ADAMTS9: variants seen among roughly 807,000 people sequenced by gnomAD.
The protein encoded by ADAMTS9 is ADAM metallopeptidase with thrombospondin type 1 motif 9.
A neutral mutation model predicts 257.1 loss-of-function variants in ADAMTS9; 107 were observed. The ratio of observed to expected loss-of-function variants is 0.42; its 90% confidence interval spans 0.36 to 0.49. The LOEUF (loss-of-function observed/expected upper bound fraction) is 0.49, where lower values mean the gene tolerates loss of function less well. Among genes scored for constraint, ADAMTS9 ranks in the 20% least tolerant of loss-of-function variants. ADAMTS9 has a pLI of 0.03. For synonymous variants in ADAMTS9, 982 were observed against 880.9 expected, an observed-to-expected ratio of 1.11 and a Z score of -2.03; for missense variants, 2,353 against 2,469.1, an observed-to-expected ratio of 0.95 and a Z score of 1.00.
chr3:64,579,409 C>A (rs1353877952), intron 28 of ADAMTS9, among the ~76,000 whole-genome samples: 1 of 152,060 alleles, frequency 6.6e-6, no homozygotes, highest in East Asian at 1.9e-4. Flanking sequence ...TAATTCTCAC[C>A]TACTCTTCTA....
chr3:64,650,908 A>G (rs1700915858), intron 9 of ADAMTS9, 109 bp downstream of exon 9: 2 of 1,277,412 alleles, frequency 1.6e-6, no homozygotes, highest in South Asian at 3.1e-5. Context: ...AATGTCAACA[A>G]AAATAACTCA....
intron 12 of ADAMTS9, among the ~76,000 whole-genome samples, chr3:64,638,988 C>A (rs1320355726): frequency 6.6e-6 from 1 of 152,140 alleles, no homozygotes; most frequent in Non-Finnish European, 1.5e-5. Context: ...GGCATATTCC[C>A]AGTGAGGGGG....
chr3:64,598,040 G>C (rs1184369009), intron 26 of ADAMTS9, among the ~76,000 whole-genome samples: 1 of 152,114 alleles, frequency 6.6e-6, no homozygotes, highest in Non-Finnish European at 1.5e-5. Context: ...CTTCTTGCTG[G>C]TCATCTTCTT....
chr3:64,685,142 G>A (rs1045097958), intron 2 of ADAMTS9: 1 of 152,196 alleles, frequency 6.6e-6, no homozygotes, highest in Non-Finnish European at 1.5e-5. Flanking sequence ...CCACGGCTCC[G>A]GGCGCTTTGC....
chr3:64,655,745 T>G, intron 5 of ADAMTS9, 47 bp downstream of exon 5: 3 of 1,581,144 alleles, frequency 1.9e-6, no homozygotes, highest in Non-Finnish European at 1.7e-6. Context: ...CAATTAGATA[T>G]GCCATTTCGG....
intron 21 of ADAMTS9, among the ~76,000 whole-genome samples, chr3:64,614,503 G>A (rs1427571713): frequency 2.6e-5 from 4 of 152,178 alleles, no homozygotes; most frequent in African/African-American, 4.8e-5. Context: ...ATGGATGTAG[G>A]AGCTGTAGCA....
intron 28 of ADAMTS9, among the ~76,000 whole-genome samples, chr3:64,593,317 G>C (rs1323167371): frequency 6.6e-6 from 1 of 152,124 alleles, no homozygotes; most frequent in East Asian, 1.9e-4. Flanking sequence ...TCTTTAGCTG[G>C]TTTCAGGGAT....
chr3:64,584,434 G>A (rs1036653754), intron 28 of ADAMTS9, among the ~76,000 whole-genome samples: 2 of 151,974 alleles, frequency 1.3e-5, no homozygotes, highest in African/African-American at 4.8e-5. Context: ...AAAAAAGTAG[G>A]AAAGATTCTG....
chr3:64,584,731 C>T (rs1009261665), intron 28 of ADAMTS9, among the ~76,000 whole-genome samples: 1 of 152,098 alleles, frequency 6.6e-6, no homozygotes, highest in African/African-American at 2.4e-5. Flanking sequence ...CAATTGCCAA[C>T]ATTTCACCAC....
chr3:64,613,597 G>GC, intron 21 of ADAMTS9, 88 bp from the exon 22 acceptor site: 2 of 1,329,206 alleles, frequency 1.5e-6, no homozygotes, highest in East Asian at 2.5e-5. Context: ...AGGAACAGGT[G>GC]TGTCCTTTTC....
At chr3:64,576,811 T>C (rs550304364) in intron 28 of ADAMTS9, among the ~76,000 whole-genome samples, 1 of 152,300 alleles carries the variant, frequency 6.6e-6, no homozygotes, top group East Asian at 1.9e-4. Flanking sequence ...ATGTCAACTC[T>C]TGGAGCACAG....
At chr3:64,653,646 A>G (rs774232246) in intron 8 of ADAMTS9, among the ~76,000 whole-genome samples, 52 of 152,208 alleles carry the variant, frequency 3.4e-4, no homozygotes, top group Non-Finnish European at 7.2e-4. Context: ...AATTATTTCG[A>G]AATAGATAGT....
chr3:64,525,734 C>G (rs2082901836), intron 38 of ADAMTS9, among the ~76,000 whole-genome samples: 1 of 151,814 alleles, frequency 6.6e-6, no homozygotes. Flanking sequence ...ACTCAGCCTC[C>G]TGAGTAGCTG....
chr3:64,542,718 GAACA>G (rs1299112298), intron 32 of ADAMTS9, among the ~76,000 whole-genome samples: 1 of 152,064 alleles, frequency 6.6e-6, no homozygotes, highest in Non-Finnish European at 1.5e-5. Context: ...AGAGAAGCAA[GAACA>G]AACACATTCA....
chr3:64,571,315 G>A (rs1432395291), intron 28 of ADAMTS9, among the ~76,000 whole-genome samples: 1 of 152,172 alleles, frequency 6.6e-6, no homozygotes, highest in South Asian at 2.1e-4. Flanking sequence ...GACAATTGGT[G>A]TTTTCAGAAT....
At chr3:64,534,799 C>T (rs1263536042) in intron 37 of ADAMTS9, among the ~76,000 whole-genome samples, 2 of 151,946 alleles carry the variant, frequency 1.3e-5, no homozygotes, top group Non-Finnish European at 2.9e-5. Flanking sequence ...AATGGTGCTG[C>T]TGTTGGCATC....
chr3:64,570,618 C>T (rs1297010544), intron 28 of ADAMTS9, among the ~76,000 whole-genome samples: 1 of 143,426 alleles, frequency 7.0e-6, no homozygotes, highest in Non-Finnish European at 1.5e-5. Context: ...ATGGTGTGAA[C>T]CCGGGAGGCA....
At chr3:64,594,790 C>T (rs772846490) in intron 27 of ADAMTS9, among the ~76,000 whole-genome samples, 1 of 152,040 alleles carries the variant, frequency 6.6e-6, no homozygotes, top group Non-Finnish European at 1.5e-5. Flanking sequence ...TAACAAAGAT[C>T]CTTTCTTTTT....
At chr3:64,681,166 G>T in intron 3 of ADAMTS9, 35 bp downstream of exon 3, 1 of 1,596,648 alleles carries the variant, frequency 6.3e-7, no homozygotes, top group Admixed American at 1.7e-5. Context: ...CCATCTCAAA[G>T]AGCTGGGCTC....
Sources: gnomAD v4.1 joint callset for allele counts (sites outside exome capture counted in the v4.1 genomes callset) on GRCh38, gnomAD v4.1.1 for gene constraint, MANE v1.5 for transcripts, NCBI Gene and HGNC (gene_info 2026-07-23, HGNC 2026-07-21) for gene names.